Variants in BIN3 observed in about 807,000 individuals in gnomAD.
BIN3 encodes the protein bridging integrator 3.
Under a neutral mutation model 38.2 loss-of-function variants are expected in BIN3, and 41 were observed. The ratio of observed to expected loss-of-function variants is 1.07; its 90% CI spans 0.84 to 1.39. The LOEUF (loss-of-function observed/expected upper bound fraction) is 1.39. Ranked by LOEUF, BIN3 falls within the 40% of genes most tolerant of loss-of-function variation. The pLI is 0.00. For missense variants in BIN3, 361 were observed against 324.3 expected (o/e 1.11, Z -0.87); for synonymous variants, 145 against 122.6 (o/e 1.18, Z -1.21).
intron 6 of BIN3, among the ~76,000 whole-genome samples, chr8:22,627,050 A>G (rs1020443940): frequency 6.6e-6 from 1 of 152,154 alleles, no homozygotes; most frequent in African/African-American, 2.4e-5. Flanking sequence ...CTGCCTCTGC[A>G]GGCCGCCTGC....
intron 2 of BIN3, among the ~76,000 whole-genome samples, chr8:22,640,354 A>ATTT (rs35170682): frequency 1.4e-5 from 2 of 139,352 alleles, no homozygotes; most frequent in Non-Finnish European, 1.6e-5. Context: ...TAATTTTTGA[A>ATTT]TTTTTTTTTT....
At chr8:22,625,015 T>A in intron 6 of BIN3, 2 of 366,360 alleles carry the variant, frequency 5.5e-6, no homozygotes, top group Non-Finnish European at 1.0e-5. Context: ...CTTGGCAACA[T>A]GAAAGCAGCA....
chr8:22,623,425 C>T (rs763267446), intron 8 of BIN3, among the ~76,000 whole-genome samples: 5 of 152,178 alleles, frequency 3.3e-5, no homozygotes, highest in African/African-American at 9.6e-5. Context: ...GTGGCTCTCC[C>T]CAGGGCTCTG....
chr8:22,628,838 C>T (rs1336496585), intron 6 of BIN3, among the ~76,000 whole-genome samples: 1 of 152,174 alleles, frequency 6.6e-6, no homozygotes, highest in Non-Finnish European at 1.5e-5. Flanking sequence ...TGTCCCGAAG[C>T]CCAGGACCAA....
intron 6 of BIN3, chr8:22,626,687 C>G (rs530242181): frequency 2.0e-5 from 3 of 152,614 alleles, no homozygotes; most frequent in African/African-American, 7.2e-5. Context: ...GGCCCCAATC[C>G]CACCACCCTG....
chr8:22,645,668 G>A (rs78542994), intron 1 of BIN3, among the ~76,000 whole-genome samples: 5 of 148,082 alleles, frequency 3.4e-5, no homozygotes, highest in African/African-American at 9.9e-5. Context: ...TCTTGAGGAG[G>A]TGCAAACTCA....
intron 1 of BIN3, among the ~76,000 whole-genome samples, chr8:22,653,194 C>A (rs1333801128): frequency 1.3e-5 from 2 of 152,106 alleles, no homozygotes; most frequent in Non-Finnish European, 2.9e-5. Context: ...ATTTTGTTAT[C>A]TTTGTTATGT....
chr8:22,631,453 C>G (rs555916759), intron 4 of BIN3, among the ~76,000 whole-genome samples: 111 of 152,336 alleles, frequency 7.3e-4, no homozygotes, highest in Middle Eastern at 3.4e-3. Context: ...CCCATGCACT[C>G]TCATTTAGGG....
At chr8:22,633,208 G>A (rs1802263931) in intron 4 of BIN3, among the ~76,000 whole-genome samples, 1 of 152,150 alleles carries the variant, frequency 6.6e-6, no homozygotes, top group South Asian at 2.1e-4. Flanking sequence ...AGTGGCTCAT[G>A]CCTGTAATCC....
At chr8:22,645,455 C>G (rs1195950386) in intron 1 of BIN3, among the ~76,000 whole-genome samples, 1 of 151,718 alleles carries the variant, frequency 6.6e-6, no homozygotes, top group Non-Finnish European at 1.5e-5. Flanking sequence ...GCACCCTAGC[C>G]TGGGCAACAG....
At chr8:22,627,162 T>C (rs1195634808) in intron 6 of BIN3, among the ~76,000 whole-genome samples, 5 of 152,140 alleles carry the variant, frequency 3.3e-5, no homozygotes, top group African/African-American at 4.8e-5. Context: ...CTGGAGGTGA[T>C]TGCTGATAAA....
Position 22,636,977 on chromosome 8 carries a change from A to C in BIN3, c.58-15T>G. ...TCTCTCTCCACCTGAAACGAGAGAG[A>C]TAACTCAATTATCGGAGAAATGACA... On this transcript the variant is annotated splice_polypyrimidine_tract_variant and intron_variant, in intron 2 of 8. Transcript: ENST00000276416. 1 of 1,611,630 alleles carries C rather than the reference A, an allele frequency of 6.2e-7. No individual in the cohort carries two copies. The highest frequency in any genetic ancestry group is 8.5e-7 in the Non-Finnish European group (1 of 1,177,914).
chr8:22,637,100 G>T lies in BIN3; in HGVS notation c.58-138C>A, dbSNP rs17088504. ...GGTCCAGTTCACACAAGCACCGACAGATCGCTCCTGACACGGTATTTCTGA... is the reference window on the plus strand; with the variant it reads ...GGTCCAGTTCACACAAGCACCGACATATCGCTCCTGACACGGTATTTCTGA... On this transcript the variant is annotated intron_variant, in intron 2 of 8. Transcript: ENST00000276416. 2.3e-5 allele frequency: 17 copies of T among 735,338 alleles called. No homozygotes were observed. The African/African-American group carries it at 2.6e-4, about 11-fold the overall frequency. 45.6% of individuals were successfully genotyped at this position (735,338 alleles called of 1,614,324 possible).
rs1008002382 is a variant in BIN3 at position 22,636,610 on chromosome 8, T to C, written c.99-24A>G. The C allele has an allele frequency of 3.4e-5, 53 of 1,550,708 alleles. No homozygotes were observed. The East Asian group carries it at 1.2e-3, about 34-fold the overall frequency. ...GCCTGCAAGGCAGGGGACGGGCTGC[T>C]TGGGGTCCCCTTCCTTCCCCCTACC... is the stretch of plus-strand genomic sequence containing the variant. On this transcript the variant is annotated intron_variant, in intron 3 of 8. Coordinates refer to ENST00000276416, the MANE Select transcript of BIN3 (RefSeq NM_018688.6).
chr8:22,639,433 T>C (rs939900089), intron 2 of BIN3, among the ~76,000 whole-genome samples: 1 of 152,170 alleles, frequency 6.6e-6, no homozygotes, highest in Non-Finnish European at 1.5e-5. Context: ...GATTTTGCTA[T>C]GTTGCCTAGG....
chr8:22,639,022 T>G (rs1470870290), intron 2 of BIN3, among the ~76,000 whole-genome samples: 1 of 152,234 alleles, frequency 6.6e-6, no homozygotes, highest in Non-Finnish European at 1.5e-5. Flanking sequence ...AACCAAAGTC[T>G]TAGCTAAAGG....
chr8:22,650,677 A>C lies in BIN3; in HGVS notation c.9-5874T>G, dbSNP rs1585198239. ...GCCAGAAACAACCACTTTCAACTCA[A>C]CTGAGTTTCTAGTATTTACCTTTGC... On this transcript the variant is annotated intron_variant, in intron 1 of 8. Transcript: ENST00000276416. Among the ~76,000 whole-genome samples the C allele has an allele frequency of 2.6e-5, 4 of 152,182 alleles. No homozygotes were observed. In the East Asian group the frequency reaches 7.7e-4, roughly 29 times the overall value.
At chr8:22,641,325 G>A (rs955274414) in intron 2 of BIN3, among the ~76,000 whole-genome samples, 1 of 152,170 alleles carries the variant, frequency 6.6e-6, no homozygotes, top group Non-Finnish European at 1.5e-5. Flanking sequence ...ATTCTCCAAG[G>A]CCCACGGTGG....
chr8:22,645,539 A>T (rs1216925192), intron 1 of BIN3, among the ~76,000 whole-genome samples: 1 of 146,006 alleles, frequency 6.8e-6, no homozygotes, highest in Non-Finnish European at 1.5e-5. Flanking sequence ...GGGGGAGGAA[A>T]GGAAAGGAAA....
Sources: gnomAD v4.1 joint callset for allele counts (sites outside exome capture counted in the v4.1 genomes callset) on GRCh38, gnomAD v4.1.1 for gene constraint, MANE v1.5 for transcripts, NCBI Gene and HGNC (gene_info 2026-07-23, HGNC 2026-07-21) for gene names.